The following PARG variants were observed in gnomAD, a reference collection of about 807,000 sequenced individuals.
PARG encodes the protein mitochondrial poly(ADP-ribose) glycohydrolase.
PARG carries 35 observed loss-of-function variants against 113.0 expected under a neutral mutation model. The observed-to-expected ratio is 0.31, with a 90% CI of 0.24 to 0.41. The LOEUF is 0.41. Among genes scored for constraint, PARG ranks in the 10% least tolerant of loss-of-function variants. The probability of loss-of-function intolerance (pLI) is 1.00; values close to 1 mark genes in which losing one functional copy is unlikely to be tolerated. For synonymous variants in PARG, 330 were observed against 409.9 expected, an observed-to-expected ratio of 0.81 and a Z score of 2.36; for missense variants, 797 against 1,169.4, an observed-to-expected ratio of 0.68 and a Z score of 4.64.
intron 7 of PARG, among the ~76,000 whole-genome samples, chr10:49,912,106 C>T (rs2132821340): frequency 6.6e-6 from 1 of 151,992 alleles, no homozygotes. Flanking sequence ...TCGAGACCAG[C>T]CTGGCCAATA....
intron 15 of PARG, among the ~76,000 whole-genome samples, chr10:49,835,770 T>C (rs1030144928): frequency 2.0e-5 from 3 of 152,004 alleles, no homozygotes; most frequent in South Asian, 4.2e-4. Flanking sequence ...AGTAAGATCT[T>C]TGGCTTCAAT....
At chr10:49,821,594 G>A (rs1409312579) in intron 16 of PARG, among the ~76,000 whole-genome samples, 1 of 152,166 alleles carries the variant, frequency 6.6e-6, no homozygotes, top group Non-Finnish European at 1.5e-5. Context: ...TGGCCAGGCT[G>A]GTCTCGAACT....
rs1233782161 is a variant in PARG at position 49,840,416 on chromosome 10, C to CA, written c.2541+1533dup. ...AAAAAAAAAAAAACAAAAAACACAA[C>CA]AAAAAAAAAAATCTTCAGTACAGGC... On this transcript the variant is annotated intron_variant, in intron 15 of 17. Coordinates refer to ENST00000616448, the MANE Select transcript of PARG (RefSeq NM_003631.5). 8.1e-4 allele frequency among the ~76,000 whole-genome samples: 116 copies of CA among 142,968 alleles called. No individual in the cohort carries two copies. The East Asian group carries it at 0.011, about 13-fold the overall frequency. The allele number at this position is 142,968 out of a possible 152,430, so 93.8% of individuals were successfully genotyped here.
chr10:49,938,395 T>C (rs1451123818), intron 1 of PARG, among the ~76,000 whole-genome samples: 25 of 152,208 alleles, frequency 1.6e-4, no homozygotes, highest in African/African-American at 5.8e-4. Flanking sequence ...TCAGCAACAT[T>C]ATTCAGTACC....
intron 7 of PARG, among the ~76,000 whole-genome samples, chr10:49,893,889 G>A (rs1287270690): frequency 2.6e-5 from 4 of 151,774 alleles, no homozygotes; most frequent in African/African-American, 9.7e-5. Context: ...TAGTAAAGAC[G>A]GGGTTTCACA....
chr10:49,865,055 T>C (rs1232542727), intron 11 of PARG, among the ~76,000 whole-genome samples: 3 of 151,160 alleles, frequency 2.0e-5, no homozygotes, highest in Non-Finnish European at 4.4e-5. Context: ...ACAACACTTC[T>C]CAATTTTAAA....
intron 4 of PARG, among the ~76,000 whole-genome samples, chr10:49,931,853 A>G (rs1370051675): frequency 6.6e-6 from 1 of 152,278 alleles, no homozygotes; most frequent in Non-Finnish European, 1.5e-5. Context: ...GAGGTTTCTT[A>G]AAAATACTGG....
intron 16 of PARG, among the ~76,000 whole-genome samples, chr10:49,830,187 A>G (rs1844588292): frequency 1.3e-5 from 2 of 152,272 alleles, no homozygotes; most frequent in South Asian, 4.1e-4. Flanking sequence ...GAACACATTT[A>G]TAAAGCTTTC....
intron 7 of PARG, among the ~76,000 whole-genome samples, chr10:49,885,873 A>G (rs1352348570): frequency 6.6e-6 from 1 of 152,158 alleles, no homozygotes; most frequent in East Asian, 1.9e-4. Flanking sequence ...CCCATATAAA[A>G]ATTTGAAGCA....
intron 16 of PARG, among the ~76,000 whole-genome samples, chr10:49,826,886 C>G (rs1844385604): frequency 6.6e-6 from 1 of 152,176 alleles, no homozygotes; most frequent in Non-Finnish European, 1.5e-5. Flanking sequence ...CAGAGATAAT[C>G]TGATGGAGAC....
chr10:49,925,751 T>C (rs1302685155), intron 4 of PARG, among the ~76,000 whole-genome samples: 1 of 152,254 alleles, frequency 6.6e-6, no homozygotes, highest in Non-Finnish European at 1.5e-5. Flanking sequence ...CTTAGGGGCC[T>C]GCCAGGAGTG....
chr10:49,832,315 A>ATCGGTCTCATACTGCC (rs1844708591), intron 16 of PARG, among the ~76,000 whole-genome samples: 1 of 152,206 alleles, frequency 6.6e-6, no homozygotes. Flanking sequence ...CATGTACTGC[A>ATCGGTCTCATACTGCC]TCGGTCTCAT....
At chr10:49,921,361 G>GT (rs1564659597) in intron 6 of PARG, among the ~76,000 whole-genome samples, 4 of 151,540 alleles carry the variant, frequency 2.6e-5, no homozygotes, top group African/African-American at 9.7e-5. Flanking sequence ...TTGTTTTTTT[G>GT]TAACTGTTTT....
intron 12 of PARG, among the ~76,000 whole-genome samples, chr10:49,859,270 G>C (rs1554835545): frequency 2.1e-5 from 3 of 145,246 alleles, no homozygotes; most frequent in African/African-American, 7.6e-5. Context: ...CTGAGGTCTA[G>C]GGAATTTTTA....
At chr10:49,916,585 T>C (rs553507875) in intron 6 of PARG, among the ~76,000 whole-genome samples, 2 of 152,212 alleles carry the variant, frequency 1.3e-5, no homozygotes, top group African/African-American at 4.8e-5. Flanking sequence ...TACACATTTA[T>C]GTAGAATGAA....
chr10:49,899,923 C>T (rs1444501126), intron 7 of PARG, among the ~76,000 whole-genome samples: 6 of 152,212 alleles, frequency 3.9e-5, no homozygotes, highest in Middle Eastern at 3.4e-3. Context: ...TTTGCCCTAA[C>T]GATAGATAAA....
chr10:49,920,451 T>TAAAAAA (rs781928566), intron 6 of PARG, among the ~76,000 whole-genome samples: 5 of 39,858 alleles, frequency 1.3e-4, no homozygotes, highest in Non-Finnish European at 1.8e-4. Flanking sequence ...AGCCTCAAAT[T>TAAAAAA]AAAAAAAAAA....
At chr10:49,903,485 C>T (rs1388891168) in intron 7 of PARG, among the ~76,000 whole-genome samples, 24 of 151,774 alleles carry the variant, frequency 1.6e-4, no homozygotes, top group African/African-American at 5.6e-4. Flanking sequence ...GTTCAAGAAA[C>T]ATTAACTGTG....
intron 9 of PARG, among the ~76,000 whole-genome samples, chr10:49,876,865 G>A (rs1343972246): frequency 2.0e-5 from 3 of 150,058 alleles, no homozygotes; most frequent in Non-Finnish European, 4.4e-5. Flanking sequence ...CTTACCTACT[G>A]TACAAACTTG....
Sources: gnomAD v4.1 joint callset for allele counts (sites outside exome capture counted in the v4.1 genomes callset) on GRCh38, gnomAD v4.1.1 for gene constraint, MANE v1.5 for transcripts, NCBI Gene and HGNC (gene_info 2026-07-23, HGNC 2026-07-21) for gene names.